Variants in INPP4B observed in about 807,000 individuals in gnomAD.
The protein encoded by INPP4B is inositol polyphosphate 4-phosphatase type II.
INPP4B carries 55 observed loss-of-function variants against 122.5 expected under a neutral mutation model. The ratio of observed to expected loss-of-function variants is 0.45; its 90% CI spans 0.36 to 0.56. The LOEUF (loss-of-function observed/expected upper bound fraction) is 0.56. Among genes scored for constraint, INPP4B ranks in the 20% least tolerant of loss-of-function variants. The pLI is 0.00. For synonymous variants in INPP4B, 403 were observed against 388.7 expected (o/e 1.04, Z -0.43); for missense variants, 1,000 against 1,097.7 (o/e 0.91, Z 1.26).
At chr4:142,584,618 A>G (rs918953203) in intron 2 of INPP4B, among the ~76,000 whole-genome samples, 2 of 152,092 alleles carry the variant, frequency 1.3e-5, no homozygotes, top group African/African-American at 4.8e-5. Flanking sequence ...TTCTCATCAC[A>G]TCATGTCAAA....
chr4:142,660,757 T>C (rs1755023291), intron 2 of INPP4B: 1 of 152,242 alleles, frequency 6.6e-6, no homozygotes, highest in Non-Finnish European at 1.5e-5. Flanking sequence ...TTTCTAATAA[T>C]TGGGTTTGTC....
intron 17 of INPP4B, among the ~76,000 whole-genome samples, chr4:142,159,001 T>A (rs1818672565): frequency 6.6e-6 from 1 of 151,986 alleles, no homozygotes. Context: ...CATATCTAAT[T>A]TCCCCACTTA....
chr4:142,500,427 C>T (rs1241871523), intron 2 of INPP4B, among the ~76,000 whole-genome samples: 1 of 152,150 alleles, frequency 6.6e-6, no homozygotes, highest in Non-Finnish European at 1.5e-5. Flanking sequence ...TCTTTCTCTA[C>T]TCCTTTGAGA....
chr4:142,398,261 C>T (rs1800043638), intron 7 of INPP4B, among the ~76,000 whole-genome samples: 1 of 149,040 alleles, frequency 6.7e-6, no homozygotes, highest in South Asian at 2.1e-4. Context: ...GCCTGTAGTC[C>T]CAGCTACTCG....
At chr4:142,266,328 T>C (rs1561681974) in intron 10 of INPP4B, among the ~76,000 whole-genome samples, 1 of 152,118 alleles carries the variant, frequency 6.6e-6, no homozygotes, top group East Asian at 1.9e-4. Flanking sequence ...ATTTAAACCT[T>C]GGGCCTTCTT....
At chr4:142,346,220 A>G (rs1780285897) in intron 7 of INPP4B, among the ~76,000 whole-genome samples, 1 of 152,018 alleles carries the variant, frequency 6.6e-6, no homozygotes, top group Non-Finnish European at 1.5e-5. Flanking sequence ...ACACATTCTC[A>G]TTCGTTTCCA....
At chr4:142,760,951 G>A (rs1280839784) in intron 1 of INPP4B, among the ~76,000 whole-genome samples, 1 of 152,086 alleles carries the variant, frequency 6.6e-6, no homozygotes, top group East Asian at 1.9e-4. Context: ...TCCCCAAAAT[G>A]AACACTAGAC....
At chr4:142,680,303 T>C (rs985651611) in intron 2 of INPP4B, among the ~76,000 whole-genome samples, 2 of 151,920 alleles carry the variant, frequency 1.3e-5, no homozygotes, top group Admixed American at 6.6e-5. Flanking sequence ...TTAGCTACAC[T>C]GCATTCCAAA....
chr4:142,134,526 T>A (rs78023976), intron 18 of INPP4B, among the ~76,000 whole-genome samples: 4,338 of 152,220 alleles, frequency 0.028, 194 homozygotes, highest in African/African-American at 0.098. Context: ...ATTTAAGTTT[T>A]AAAAAAATTT....
chr4:142,765,309 A>C (rs1372961967), intron 1 of INPP4B, among the ~76,000 whole-genome samples: 1 of 152,164 alleles, frequency 6.6e-6, no homozygotes, highest in Non-Finnish European at 1.5e-5. Context: ...TGGGGGTGGC[A>C]CTGAAGGGCT....
chr4:142,510,155 T>A (rs912734852), intron 2 of INPP4B, among the ~76,000 whole-genome samples: 1 of 152,188 alleles, frequency 6.6e-6, no homozygotes, highest in African/African-American at 2.4e-5. Flanking sequence ...AGATGTTTAA[T>A]TTTTCTATAT....
At chr4:142,239,942 T>C (rs1345948359) in intron 11 of INPP4B, among the ~76,000 whole-genome samples, 1 of 152,128 alleles carries the variant, frequency 6.6e-6, no homozygotes. Flanking sequence ...AATCCTTGGA[T>C]TTTGCTTGCC....
intron 1 of INPP4B, among the ~76,000 whole-genome samples, chr4:142,838,090 C>T (rs1783034670): frequency 6.6e-6 from 1 of 150,740 alleles, no homozygotes; most frequent in Non-Finnish European, 1.5e-5. Flanking sequence ...ATCACAGTAG[C>T]TGGCAAATAG....
chr4:142,151,251 G>T (rs546785048), intron 17 of INPP4B, among the ~76,000 whole-genome samples: 1 of 152,106 alleles, frequency 6.6e-6, no homozygotes, highest in South Asian at 2.1e-4. Context: ...AAACTGGCAC[G>T]TGTATAGCCC....
intron 5 of INPP4B, among the ~76,000 whole-genome samples, chr4:142,415,870 G>C (rs1168323392): frequency 1.3e-5 from 2 of 152,052 alleles, no homozygotes; most frequent in Admixed American, 1.3e-4. Context: ...GGATGAAGCT[G>C]GAAACCATCA....
chr4:142,796,560 G>A (rs558788764), intron 1 of INPP4B, among the ~76,000 whole-genome samples: 3 of 151,904 alleles, frequency 2.0e-5, no homozygotes, highest in Non-Finnish European at 4.4e-5. Context: ...CTGCAGAAAG[G>A]CTACCCATGG....
chr4:142,067,075 T>A (rs1763938584), intron 25 of INPP4B, among the ~76,000 whole-genome samples: 1 of 152,188 alleles, frequency 6.6e-6, no homozygotes, highest in African/African-American at 2.4e-5. Context: ...CACCTCCCAG[T>A]AGGGGCCCAC....
chr4:142,744,403 T>C (rs1454147347), intron 1 of INPP4B, among the ~76,000 whole-genome samples: 5 of 151,738 alleles, frequency 3.3e-5, no homozygotes, highest in Non-Finnish European at 7.4e-5. Flanking sequence ...TGGCTGAAAA[T>C]ATGCCAAATT....
Position 142,184,277 on chromosome 4 carries a change from A to G in INPP4B, c.1181+8810T>C, listed in dbSNP as rs553577957. Among the ~76,000 whole-genome samples the G allele has an allele frequency of 6.6e-5, 10 of 152,294 alleles. No homozygotes were observed. In the South Asian group the frequency reaches 2.1e-3, roughly 32 times the overall value. ...TGATATTGAATCAGGTTTTTAAGTT[A>G]GCCATCTTTATATAAATTGTCTCCC... On this transcript the variant is annotated intron_variant, in intron 15 of 25. Coordinates refer to ENST00000262992, the MANE Select transcript of INPP4B (RefSeq NM_001101669.3).
Sources: allele counts gnomAD v4.1 joint callset (sites outside exome capture counted in the v4.1 genomes callset), GRCh38; gene constraint gnomAD v4.1.1; transcripts MANE v1.5; gene names NCBI Gene and HGNC (gene_info 2026-07-23, HGNC 2026-07-21).